The following FAM110B variants were observed in gnomAD, a reference collection of about 807,000 sequenced individuals.
FAM110B encodes the protein family with sequence similarity 110 member B, also known as protein FAM110B.
Under a neutral mutation model 20.4 loss-of-function variants are expected in FAM110B, and 6 were observed. The observed-to-expected ratio is 0.29, with a 90% CI of 0.16 to 0.58. FAM110B has a LOEUF of 0.58. Ranked by LOEUF, FAM110B falls within the 20% of genes least tolerant of loss-of-function variation. The pLI is 0.90. For synonymous variants in FAM110B, 226 were observed against 214.1 expected, an observed-to-expected ratio of 1.06 and a Z score of -0.49; for missense variants, 434 against 498.2, an observed-to-expected ratio of 0.87 and a Z score of 1.23.
intron 3 of FAM110B, among the ~76,000 whole-genome samples, chr8:58,132,083 G>T (rs142189470): frequency 6.6e-6 from 1 of 151,746 alleles, no homozygotes; most frequent in Non-Finnish European, 1.5e-5. Context: ...CACGAAGGAG[G>T]GTGTCGCCAC....
rs71555701 is a variant in FAM110B at position 58,078,547 on chromosome 8, C to CTTTTTTT, written c.-325+2939_-325+2945dup. 1.0e-4 allele frequency among the ~76,000 whole-genome samples: 12 copies of CTTTTTTT among 115,534 alleles called. 1 individual carries two copies. The highest frequency in any genetic ancestry group is 5.0e-3 in the Middle Eastern group (1 of 200). 75.8% of individuals were successfully genotyped at this position (115,534 alleles called of 152,430 possible). ...TCAAAACTTCTCTCCAGATTTTTGCCTTTTTTTTTTTTTTTTTTTTTGAGA... is the reference window on the plus strand; with the variant it reads ...TCAAAACTTCTCTCCAGATTTTTGCCTTTTTTTTTTTTTTTTTTTTTTTTTTTTGAGA... On this transcript the variant is annotated intron_variant, in intron 3 of 3. Coordinates refer to ENST00000519262, the MANE Select transcript of FAM110B (RefSeq NM_001377989.1).
intron 3 of FAM110B, among the ~76,000 whole-genome samples, chr8:58,081,042 T>TG (rs1350361215): frequency 6.6e-6 from 1 of 152,192 alleles, no homozygotes; most frequent in African/African-American, 2.4e-5. Context: ...TTACTATGCC[T>TG]GCCTGTTCAG....
intron 1 of FAM110B, among the ~76,000 whole-genome samples, chr8:58,024,401 A>G (rs1804814788): frequency 6.6e-6 from 1 of 152,164 alleles, no homozygotes; most frequent in Non-Finnish European, 1.5e-5. Context: ...AAATTTTCCA[A>G]TTGTTGGGAA....
chr8:58,086,617 C>T (rs187569164), intron 3 of FAM110B, among the ~76,000 whole-genome samples: 194 of 152,312 alleles, frequency 1.3e-3, no homozygotes, highest in African/African-American at 4.5e-3. Flanking sequence ...AATAGGACCA[C>T]TGTGCACTTC....
intron 2 of FAM110B, among the ~76,000 whole-genome samples, chr8:58,051,113 C>G (rs944344391): frequency 2.0e-5 from 3 of 152,130 alleles, no homozygotes; most frequent in Non-Finnish European, 2.9e-5. Context: ...ATTCATTGAC[C>G]TGTATTGTTT....
intron 3 of FAM110B, among the ~76,000 whole-genome samples, chr8:58,141,389 C>T (rs1803739184): frequency 6.6e-6 from 1 of 152,186 alleles, no homozygotes; most frequent in Non-Finnish European, 1.5e-5. Flanking sequence ...TTCAGCTCAC[C>T]AGATTGAACA....
At chr8:58,060,544 C>T (rs960091726) in intron 2 of FAM110B, among the ~76,000 whole-genome samples, 1 of 152,064 alleles carries the variant, frequency 6.6e-6, no homozygotes, top group Non-Finnish European at 1.5e-5. Context: ...ACAGTGCTTT[C>T]GTATTATTTT....
At chr8:58,094,209 C>G (rs932617274) in intron 3 of FAM110B, among the ~76,000 whole-genome samples, 5 of 152,198 alleles carry the variant, frequency 3.3e-5, no homozygotes, top group African/African-American at 1.2e-4. Flanking sequence ...GACAATTTGA[C>G]TTCCTCTCTT....
chr8:58,148,166 G>GGTTTTTTGT lies in FAM110B; in HGVS notation c.*823_*824insGTTTTTTGT, dbSNP rs1803912869. The GGTTTTTTGT allele has an allele frequency of 1.1e-5, 1 of 93,982 alleles. No individual in the cohort carries two copies. Among genetic ancestry groups the GGTTTTTTGT allele is most frequent in the Non-Finnish European group, 2.1e-5 (1 of 48,450 alleles). 5.8% of individuals were successfully genotyped at this position (93,982 alleles called of 1,614,324 possible). A position where few individuals can be genotyped will look rare whatever the true frequency, so the allele number is the denominator to read the frequency against. ...AAAAAAAAAAAAGTTGTGGTTTTTT[G>GGTTTTTTGT]TTTTTTTTTTTTTTTTTTTTGGTCG... On this transcript the variant is annotated 3_prime_UTR_variant, in exon 4 of 4. Coordinates refer to ENST00000519262, the MANE Select transcript of FAM110B (RefSeq NM_001377989.1).
chr8:58,030,280 T>C (rs1261131604), intron 1 of FAM110B, among the ~76,000 whole-genome samples: 1 of 152,228 alleles, frequency 6.6e-6, no homozygotes, highest in Non-Finnish European at 1.5e-5. Context: ...TTTATATTTC[T>C]ATTTTAATCT....
chr8:58,096,456 G>A (rs898342412), intron 3 of FAM110B, among the ~76,000 whole-genome samples: 1 of 152,108 alleles, frequency 6.6e-6, no homozygotes, highest in Non-Finnish European at 1.5e-5. Context: ...GATTATAGGT[G>A]TGAGCCACCG....
intron 1 of FAM110B, among the ~76,000 whole-genome samples, chr8:58,024,776 G>T (rs1342263421): frequency 6.6e-6 from 1 of 152,200 alleles, no homozygotes; most frequent in African/African-American, 2.4e-5. Flanking sequence ...AGACCAGGAG[G>T]TTAAGTTAGT....
intron 1 of FAM110B, among the ~76,000 whole-genome samples, chr8:58,028,778 G>A (rs997340702): frequency 6.6e-6 from 1 of 152,154 alleles, no homozygotes; most frequent in African/African-American, 2.4e-5. Context: ...TCTGTCATCT[G>A]TTGGCCAGAT....
chr8:58,040,467 C>T (rs545949740), intron 2 of FAM110B, among the ~76,000 whole-genome samples: 1 of 152,232 alleles, frequency 6.6e-6, no homozygotes, highest in Non-Finnish European at 1.5e-5. Context: ...ATCACAGGCC[C>T]ACATAGAGAC....
At chr8:58,074,384 C>G (rs1344523848) in intron 2 of FAM110B, among the ~76,000 whole-genome samples, 1 of 152,170 alleles carries the variant, frequency 6.6e-6, no homozygotes, top group Non-Finnish European at 1.5e-5. Context: ...CACCAACCTC[C>G]TGTGCCTTTG....
At chr8:58,117,590 G>A (rs963866947) in intron 3 of FAM110B, among the ~76,000 whole-genome samples, 1 of 152,070 alleles carries the variant, frequency 6.6e-6, no homozygotes, top group Admixed American at 6.6e-5. Flanking sequence ...GTAAAGTATT[G>A]AATGCCTTAG....
At chr8:58,131,886 G>A (rs1034563950) in intron 3 of FAM110B, among the ~76,000 whole-genome samples, 1 of 152,158 alleles carries the variant, frequency 6.6e-6, no homozygotes, top group African/African-American at 2.4e-5. Context: ...TTCCCTTGAG[G>A]GCAGAGCTTA....
chr8:58,039,551 T>C (rs1409857655), intron 2 of FAM110B, among the ~76,000 whole-genome samples: 1 of 152,236 alleles, frequency 6.6e-6, no homozygotes, highest in Admixed American at 6.5e-5. Context: ...CTTCTCACAA[T>C]TTTAAAAATA....
chr8:58,045,000 T>C (rs1805291553), intron 2 of FAM110B, among the ~76,000 whole-genome samples: 1 of 152,246 alleles, frequency 6.6e-6, no homozygotes. Context: ...TAAGGAGCTT[T>C]AATTAGGTAA....
Sources: gnomAD v4.1 joint callset for allele counts (sites outside exome capture counted in the v4.1 genomes callset) on GRCh38, gnomAD v4.1.1 for gene constraint, MANE v1.5 for transcripts, NCBI Gene and HGNC (gene_info 2026-07-23, HGNC 2026-07-21) for gene names.